Variants in GOLGA3 observed in about 807,000 individuals in gnomAD.
GOLGA3 encodes golgin A3, also known as golgin subfamily A member 3.
GOLGA3 carries 75 observed loss-of-function variants against 169.4 expected under a neutral mutation model. That is an observed-to-expected ratio of 0.44 (90% CI 0.37 to 0.54). The LOEUF (loss-of-function observed/expected upper bound fraction) is 0.54. Ranked by LOEUF, GOLGA3 falls within the 20% of genes least tolerant of loss-of-function variation. GOLGA3 has a pLI of 0.00. For missense variants in GOLGA3, 1,899 were observed against 1,930.0 expected, an observed-to-expected ratio of 0.98 and a Z score of 0.30; for synonymous variants, 824 against 822.4, an observed-to-expected ratio of 1.00 and a Z score of -0.03.
At chr12:132,798,171 A>G (rs1366617137) in intron 9 of GOLGA3, among the ~76,000 whole-genome samples, 169 bp downstream of exon 9, 1 of 5,580 alleles carries the variant, frequency 1.8e-4, no homozygotes, top group African/African-American at 9.1e-4. Context: ...CAGGTGAGGG[A>G]TGAGGGGTGG....
chr12:132,810,224 G>T (rs1593353346), intron 4 of GOLGA3, among the ~76,000 whole-genome samples: 1 of 152,006 alleles, frequency 6.6e-6, no homozygotes, highest in South Asian at 2.1e-4. Flanking sequence ...CTCCAGCCTG[G>T]GTGACAGAGT....
In GOLGA3 at chr12:132,771,553, C is replaced by G. The variant is rs1345245722; in HGVS notation, c.*1552G>C. ...GTCGTGCTGATTTTAAATAAGGCATCTGTCTCTGAGACACCTGGGAGAGCA... is the reference window on the plus strand; with the variant it reads ...GTCGTGCTGATTTTAAATAAGGCATGTGTCTCTGAGACACCTGGGAGAGCA... On this transcript the variant is annotated 3_prime_UTR_variant, in exon 24 of 24. Transcript: ENST00000450791. 6.6e-6 allele frequency: 1 copy of G among 152,180 alleles called. No homozygotes were observed. The highest frequency in any genetic ancestry group is 6.5e-5 in the Admixed American group (1 of 15,270). 9.4% of individuals were successfully genotyped at this position (152,180 alleles called of 1,614,324 possible). A position where few individuals can be genotyped will look rare whatever the true frequency, so the allele number is the denominator to read the frequency against.
Position 132,771,513 on chromosome 12 carries a change from G to T in GOLGA3, c.*1592C>A, listed in dbSNP as rs1213642400. ...GTTTCAGGATTTGGGGTAGGAAACA[G>T]AAGATCTCACACATGTCGTGCTGAT... is the stretch of plus-strand genomic sequence containing the variant. On this transcript the variant is annotated 3_prime_UTR_variant, in exon 24 of 24. Transcript: ENST00000450791. 6.6e-6 allele frequency: 1 copy of T among 152,200 alleles called. No homozygotes were observed. The highest frequency in any genetic ancestry group is 1.5e-5 in the Non-Finnish European group (1 of 68,034). 9.4% of individuals were successfully genotyped at this position (152,200 alleles called of 1,614,324 possible). A position where few individuals can be genotyped will look rare whatever the true frequency, so the allele number is the denominator to read the frequency against.
At chr12:132,816,889 TAGGAG>T in intron 2 of GOLGA3, 77 bp from the exon 3 acceptor site, 1 of 1,300,980 alleles carries the variant, frequency 7.7e-7, no homozygotes, top group Non-Finnish European at 1.0e-6. Context: ...GCAGCTGGAG[TAGGAG>T]AGAAGAGGAT....
rs537933670 is a variant in GOLGA3 at position 132,791,266 on chromosome 12, C to T, written c.2497G>A (p.Ala833Thr). Residue 833 changes from alanine (A) to threonine (T), a missense_variant, in exon 12 of 24, where the codon GCT becomes ACT. Transcript: ENST00000450791. The stretch of plus-strand genomic sequence containing the variant: ...ATTTTTTGCATTTGCTTTTTCAGAG[C>T]AGCAGTCTCCTGCTGCAGGTGTTCC... ...QVEHLQQETA[A>T]LKKQMQKIKE... 1.7e-4 allele frequency: 267 copies of T among 1,607,276 alleles called. 5 individuals are homozygous for T. In the South Asian group the frequency reaches 2.8e-3, roughly 17 times the overall value.
rs993311823 is a variant in GOLGA3, at chr12:132,805,163, A to G, written c.1291-141T>C. The G allele has an allele frequency of 1.7e-5, 15 of 890,768 alleles. No individual in the cohort carries two copies. The African/African-American group carries it at 1.9e-4, about 11-fold the overall frequency. The allele number at this position is 890,768 out of a possible 1,614,324, so 55.2% of individuals were successfully genotyped here. A position where few individuals can be genotyped will look rare whatever the true frequency, so the allele number is the denominator to read the frequency against. ...CCCAGGCGCTCTCCCAAGGCCTGACAGAGGACCCCAAGACCCCCAGGCGCT... is the reference window on the plus strand; with the variant it reads ...CCCAGGCGCTCTCCCAAGGCCTGACGGAGGACCCCAAGACCCCCAGGCGCT... On this transcript the variant is annotated intron_variant, in intron 6 of 23. Transcript: ENST00000450791.
At chr12:132,819,134 C>T (rs1227598406) in intron 2 of GOLGA3, among the ~76,000 whole-genome samples, 1 of 152,028 alleles carries the variant, frequency 6.6e-6, no homozygotes, top group Non-Finnish European at 1.5e-5. Flanking sequence ...TCCGGTGGCT[C>T]TGGAGGCCCG....
rs900191153 is a variant in GOLGA3 at position 132,783,936 on chromosome 12, T to C, written c.3267+228A>G. On this transcript the variant is annotated intron_variant, in intron 16 of 23. Coordinates refer to ENST00000450791, the MANE Select transcript of GOLGA3 (RefSeq NM_001389683.1). ...CTGAGAAGGGTTCCACTATGAATTCTGTAACCATTCCACCAAAGAGGCTGT... is the reference window on the plus strand; with the variant it reads ...CTGAGAAGGGTTCCACTATGAATTCCGTAACCATTCCACCAAAGAGGCTGT... 24 of 1,438,034 alleles carry C rather than the reference T, an allele frequency of 1.7e-5. No individual in the cohort carries two copies. The Admixed American group carries it at 1.7e-4, about 10-fold the overall frequency. 89.1% of individuals were successfully genotyped at this position (1,438,034 alleles called of 1,614,324 possible). A position where few individuals can be genotyped will look rare whatever the true frequency, so the allele number is the denominator to read the frequency against.
At chr12:132,783,060 G>GT (rs2045695059) in intron 16 of GOLGA3, among the ~76,000 whole-genome samples, 1 of 152,108 alleles carries the variant, frequency 6.6e-6, no homozygotes, top group African/African-American at 2.4e-5. Flanking sequence ...TCCAGGTGTG[G>GT]TGGCGATCAC....
intron 7 of GOLGA3, among the ~76,000 whole-genome samples, chr12:132,802,503 T>C (rs1301474302): frequency 6.6e-6 from 1 of 151,286 alleles, no homozygotes; most frequent in Non-Finnish European, 1.5e-5. Flanking sequence ...CATGCATCTG[T>C]GGTCCCAGCC....
chr12:132,797,836 T>C (rs1948929694), intron 9 of GOLGA3, among the ~76,000 whole-genome samples: 1 of 152,202 alleles, frequency 6.6e-6, no homozygotes, highest in Non-Finnish European at 1.5e-5. Flanking sequence ...GCAGCGGCCA[T>C]GACCTCGACA....
chr12:132,826,189 C>A (rs563160907), intron 1 of GOLGA3: 124 of 1,572,582 alleles, frequency 7.9e-5, no homozygotes, highest in Non-Finnish European at 9.4e-5. Context: ...AGTTCTGAGG[C>A]TGGACATCAG....
intron 13 of GOLGA3, 33 bp downstream of exon 13, chr12:132,788,994 C>A (rs888998136): frequency 2.0e-6 from 3 of 1,525,734 alleles, no homozygotes; most frequent in African/African-American, 2.8e-5. Flanking sequence ...CCGAATCCTC[C>A]CCATCAAATG....
chr12:132,777,038 C>G lies in GOLGA3; in HGVS notation c.3775G>C (p.Ala1259Pro). ...QEIAQFQAEL[A>P]EARAQLQLLQ... ...AGCTGGAGCTGTGCCCGGGCCTCGG[C>G]CAGCTCTGCTTGGAACTGTGCTATC... Residue 1259 changes from alanine (A) to proline (P), a missense_variant, in exon 20 of 24, where the codon GCC (alanine) becomes CCC (proline). By Grantham distance (27) the Ala-to-Pro change is conservative (BLOSUM62 -1). Coordinates refer to ENST00000450791, the MANE Select transcript of GOLGA3 (RefSeq NM_001389683.1). This position sits in a 1 kb window ranked among gnomAD's most constrained non-coding sequence, Gnocchi z 4.7. 1 of 1,611,052 alleles carries G rather than the reference C, an allele frequency of 6.2e-7. No homozygotes were observed. Among genetic ancestry groups the G allele is most frequent in the Non-Finnish European group, 8.5e-7 (1 of 1,178,926 alleles).
At position 132,784,437 on chromosome 12, in the gene GOLGA3, C is replaced by T. The variant is rs911583720; in HGVS notation, c.3124-130G>A. On this transcript the variant is annotated intron_variant, in intron 15 of 23. Transcript: ENST00000450791. ...ACACCAGCTGTCTGACACAGTCTCA[C>T]AACCTTCCTTTTTGTTAAAGAAGTT... 10 of 752,710 alleles carry T rather than the reference C, an allele frequency of 1.3e-5. No homozygotes were observed. In the South Asian group the frequency reaches 1.8e-4, roughly 13 times the overall value. The allele number at this position is 752,710 out of a possible 1,614,324, so 46.6% of individuals were successfully genotyped here.
In GOLGA3 at chr12:132,789,008, C is replaced by CA; in HGVS notation, c.2811+18dup. 1 of 1,420,926 alleles carries CA rather than the reference C, an allele frequency of 7.0e-7. No individual in the cohort carries two copies. The highest frequency in any genetic ancestry group is 1.3e-5 in the South Asian group (1 of 77,134). 88.0% of individuals were successfully genotyped at this position (1,420,926 alleles called of 1,614,324 possible). A position where few individuals can be genotyped will look rare whatever the true frequency, so the allele number is the denominator to read the frequency against. On this transcript the variant is annotated intron_variant, in intron 13 of 23. Coordinates refer to ENST00000450791, the MANE Select transcript of GOLGA3 (RefSeq NM_001389683.1). ...GCCGAATCCTCCCCATCAAATGAGT[C>CA]AACCCGACACGGACAGACCTGCAAG...
At chr12:132,814,045 A>T (rs1949844913) in intron 3 of GOLGA3, among the ~76,000 whole-genome samples, 1 of 111,240 alleles carries the variant, frequency 9.0e-6, no homozygotes. Context: ...TTTTTTTGAG[A>T]CGGAGTTTCA....
chr12:132,825,377 G>A (rs1414089592), intron 1 of GOLGA3, among the ~76,000 whole-genome samples: 1 of 152,150 alleles, frequency 6.6e-6, no homozygotes, highest in Non-Finnish European at 1.5e-5. Context: ...CCATTACATG[G>A]CGAGATCCTT....
At chr12:132,780,741 T>C (rs2045553280) in intron 18 of GOLGA3, 57 bp downstream of exon 18, 2 of 1,056,704 alleles carry the variant, frequency 1.9e-6, no homozygotes, top group Admixed American at 1.7e-5. Context: ...CCTGCATAGA[T>C]TTCTAGGCAC....
Sources: allele counts gnomAD v4.1 joint callset (sites outside exome capture counted in the v4.1 genomes callset), GRCh38; gene constraint gnomAD v4.1.1; non-coding constraint Gnocchi (gnomAD v3.1); transcripts MANE v1.5; gene names NCBI Gene and HGNC (gene_info 2026-07-23, HGNC 2026-07-21).